Variants in P3H2 observed in about 807,000 individuals in gnomAD.
P3H2 encodes the protein leprecan-like 1.
P3H2 carries 80 observed loss-of-function variants against 87.0 expected under a neutral mutation model. The ratio of observed to expected loss-of-function variants is 0.92; its 90% confidence interval spans 0.77 to 1.11. P3H2 has a LOEUF of 1.11. Ranked by LOEUF, P3H2 falls within the 50% of genes least tolerant of loss-of-function variation. The probability of loss-of-function intolerance (pLI) is 0.00; values close to 1 mark genes in which losing one functional copy is unlikely to be tolerated. For synonymous variants in P3H2, 367 were observed against 359.3 expected (o/e 1.02, Z -0.24); for missense variants, 1,001 against 923.9 (o/e 1.08, Z -1.08).
intron 12 of P3H2, 50 bp from the exon 13 acceptor site, chr3:189,970,941 C>T (rs753816543): frequency 9.6e-7 from 1 of 1,046,290 alleles, no homozygotes. Context: ...CTTATGAGAG[C>T]ATGGTCATAG....
At chr3:190,005,757 T>C (rs1724368851) in intron 1 of P3H2, among the ~76,000 whole-genome samples, 1 of 152,206 alleles carries the variant, frequency 6.6e-6, no homozygotes, top group Admixed American at 6.5e-5. Flanking sequence ...GCATCGTGGC[T>C]GCAAGCCAAG....
chr3:190,114,058 C>T (rs1199959385), intron 1 of P3H2, among the ~76,000 whole-genome samples: 9 of 94,312 alleles, frequency 9.5e-5, no homozygotes, highest in African/African-American at 4.0e-4. Flanking sequence ...CCAGCCTGGG[C>T]GACAGAGTGA....
chr3:190,040,187 A>G (rs1725565029), intron 1 of P3H2, among the ~76,000 whole-genome samples: 3 of 152,234 alleles, frequency 2.0e-5, no homozygotes, highest in African/African-American at 7.2e-5. Context: ...GGCGACCATC[A>G]GTTACAGAAC....
At chr3:190,016,952 A>G (rs1724774894) in intron 1 of P3H2, among the ~76,000 whole-genome samples, 3 of 152,236 alleles carry the variant, frequency 2.0e-5, no homozygotes, top group African/African-American at 7.2e-5. Context: ...CATTCCAGAT[A>G]GATCTAAGGT....
chr3:189,984,888 A>G (rs1723643461), intron 6 of P3H2, among the ~76,000 whole-genome samples: 9 of 152,154 alleles, frequency 5.9e-5, no homozygotes, highest in Admixed American at 5.9e-4. Flanking sequence ...TTGGTGGCAG[A>G]AAAACATTTG....
intron 1 of P3H2, among the ~76,000 whole-genome samples, chr3:190,066,158 T>TATATATATATACACAC (rs1256956930): frequency 2.2e-5 from 3 of 134,600 alleles, no homozygotes; most frequent in African/African-American, 6.2e-5. Context: ...TATATATATA[T>TATATATATATACACAC]ACACACACAC....
At chr3:189,972,399 C>T (rs1723203558) in intron 11 of P3H2, among the ~76,000 whole-genome samples, 1 of 152,174 alleles carries the variant, frequency 6.6e-6, no homozygotes, top group Admixed American at 6.5e-5. Context: ...ACTCCTATGA[C>T]ATCATTATTC....
intron 1 of P3H2, among the ~76,000 whole-genome samples, chr3:190,085,464 C>A (rs1489014334): frequency 6.6e-6 from 1 of 152,180 alleles, no homozygotes; most frequent in East Asian, 1.9e-4. Flanking sequence ...GATCGATTTC[C>A]CAATTGCTTG....
Position 189,957,628 on chromosome 3 carries a change from T to C in P3H2, c.*284A>G, listed in dbSNP as rs1443778507. 4 of 471,164 alleles carry C rather than the reference T, an allele frequency of 8.5e-6. No individual in the cohort carries two copies. The highest frequency in any genetic ancestry group is 1.5e-5 in the Non-Finnish European group (4 of 263,606). The allele number at this position is 471,164 out of a possible 1,614,324, so 29.2% of individuals were successfully genotyped here. A position where few individuals can be genotyped will look rare whatever the true frequency, so the allele number is the denominator to read the frequency against. On this transcript the variant is annotated 3_prime_UTR_variant, in exon 15 of 15. Transcript: ENST00000319332. ...TGAGCCTAAGAGTTTGAGGCTCCAG[T>C]GTGCTATCATCACATCTGTGAATAG...
At chr3:189,964,553 T>A (rs995373682) in intron 13 of P3H2, among the ~76,000 whole-genome samples, 77 of 152,254 alleles carry the variant, frequency 5.1e-4, no homozygotes, top group African/African-American at 1.8e-3. Flanking sequence ...AGGTAGTGGT[T>A]ACATGAGCGT....
In P3H2 at chr3:190,120,794, G is replaced by C. The variant is rs1712550025; in HGVS notation, c.-63C>G. ...GAGGGCTTCGGGGCACCTCGCGTCC[G>C]GGTCCCCTCTCCCACCTTCCCTCGG... On this transcript the variant is annotated 5_prime_UTR_variant, in exon 1 of 15. Coordinates refer to ENST00000319332, the MANE Select transcript of P3H2 (RefSeq NM_018192.4). 2.0e-6 allele frequency: 3 copies of C among 1,496,330 alleles called. No homozygotes were observed. The highest frequency in any genetic ancestry group is 2.7e-6 in the Non-Finnish European group (3 of 1,127,958). The allele number at this position is 1,496,330 out of a possible 1,614,324, so 92.7% of individuals were successfully genotyped here.
At chr3:190,087,310 G>A (rs1727249298) in intron 1 of P3H2, among the ~76,000 whole-genome samples, 1 of 152,060 alleles carries the variant, frequency 6.6e-6, no homozygotes, top group Non-Finnish European at 1.5e-5. Context: ...GCCGAGGAGG[G>A]CAAATCACAA....
At chr3:190,067,861 G>A (rs1417175444) in intron 1 of P3H2, among the ~76,000 whole-genome samples, 1 of 152,020 alleles carries the variant, frequency 6.6e-6, no homozygotes, top group Non-Finnish European at 1.5e-5. Flanking sequence ...GCAAGTACAA[G>A]TTGTGTGCAT....
chr3:189,999,801 G>A (rs1270637211), intron 1 of P3H2, among the ~76,000 whole-genome samples: 1 of 152,214 alleles, frequency 6.6e-6, no homozygotes, highest in Non-Finnish European at 1.5e-5. Flanking sequence ...CCACTGAGAT[G>A]TCAGAAATAC....
intron 1 of P3H2, among the ~76,000 whole-genome samples, chr3:190,109,545 T>A (rs1053027460): frequency 1.3e-5 from 2 of 152,196 alleles, no homozygotes; most frequent in African/African-American, 4.8e-5. Flanking sequence ...CTAAGATGTG[T>A]TAGTTTGTAT....
intron 1 of P3H2, among the ~76,000 whole-genome samples, chr3:190,011,056 G>A (rs1272319776): frequency 6.6e-6 from 1 of 152,126 alleles, no homozygotes; most frequent in Non-Finnish European, 1.5e-5. Context: ...CAGATCAGGA[G>A]GTCAAGAGAT....
rs2108923650 is a variant in P3H2, at chr3:189,994,146, A to C, written c.771T>G (p.Phe257Leu). 1 of 1,613,762 alleles carries C rather than the reference A, an allele frequency of 6.2e-7. No homozygotes were observed. Among genetic ancestry groups the C allele is most frequent in the African/African-American group, 1.3e-5 (1 of 75,032 alleles). The part of the protein sequence containing the change: ...CRTLCEGPQR[F>L]EEYEYLGYKA... ...TATACCCTAAATACTCATATTCTTC[A>C]AATCTCTGAGGCCCCTCACATAGGG... is the stretch of plus-strand genomic sequence containing the variant. Residue 257 changes from phenylalanine (F) to leucine (L), a missense_variant, in exon 3 of 15, where the codon TTT becomes TTG. Physicochemically the swap from Phe to Leu is conservative, Grantham distance 22. Coordinates refer to ENST00000319332, the MANE Select transcript of P3H2 (RefSeq NM_018192.4).
intron 8 of P3H2, among the ~76,000 whole-genome samples, chr3:189,979,745 T>A (rs1723468906): frequency 6.6e-6 from 1 of 151,790 alleles, no homozygotes; most frequent in South Asian, 2.1e-4. Context: ...GTGGATCAAC[T>A]GAGGTCGGGA....
intron 1 of P3H2, among the ~76,000 whole-genome samples, chr3:190,070,210 T>TTTATTA (rs1234592601): frequency 1.3e-5 from 2 of 152,084 alleles, no homozygotes. Context: ...TACATAGAGA[T>TTTATTA]TTATTATTAT....
Sources: gnomAD v4.1 joint callset for allele counts (sites outside exome capture counted in the v4.1 genomes callset) on GRCh38, gnomAD v4.1.1 for gene constraint, MANE v1.5 for transcripts, NCBI Gene and HGNC (gene_info 2026-07-23, HGNC 2026-07-21) for gene names.